The following MCU variants were observed in gnomAD, a reference collection of about 807,000 sequenced individuals.
MCU encodes the protein mitochondrial calcium uniporter.
Under a neutral mutation model 45.2 loss-of-function variants are expected in MCU, and 12 were observed. That is an observed-to-expected ratio of 0.27 (90% CI 0.17 to 0.43). The LOEUF (loss-of-function observed/expected upper bound fraction) is 0.43, where lower values mean the gene tolerates loss of function less well. MCU is among the 20% of genes least tolerant of loss of function. The probability of loss-of-function intolerance (pLI) is 1.00; values close to 1 mark genes in which losing one functional copy is unlikely to be tolerated. For synonymous variants in MCU, 160 were observed against 165.1 expected (o/e 0.97, Z 0.24); for missense variants, 324 against 436.7 (o/e 0.74, Z 2.30).
intron 3 of MCU, chr10:72,859,866 A>T (rs76786137): frequency 6.6e-6 from 1 of 152,202 alleles, no homozygotes. Context: ...AAATTTTTCA[A>T]ACCTGCAGAA....
chr10:72,711,569 GCA>G (rs1842894686), intron 1 of MCU, among the ~76,000 whole-genome samples: 1 of 150,172 alleles, frequency 6.7e-6, no homozygotes, highest in Admixed American at 6.6e-5. Context: ...AATTAGGCCA[GCA>G]CAGTGGCTCA....
intron 1 of MCU, among the ~76,000 whole-genome samples, chr10:72,771,717 A>T (rs1259156869): frequency 1.3e-5 from 2 of 152,164 alleles, no homozygotes; most frequent in Non-Finnish European, 1.5e-5. Flanking sequence ...GGTTTGTTAC[A>T]TAAGCATACG....
chr10:72,816,877 A>G (rs1000284375), intron 1 of MCU, among the ~76,000 whole-genome samples: 1 of 152,234 alleles, frequency 6.6e-6, no homozygotes, highest in Non-Finnish European at 1.5e-5. Flanking sequence ...AGGAATGGTA[A>G]CATACTGTCA....
intron 1 of MCU, among the ~76,000 whole-genome samples, chr10:72,772,839 C>T (rs1057017408): frequency 2.0e-5 from 3 of 152,192 alleles, no homozygotes; most frequent in Admixed American, 6.5e-5. Context: ...CAGTGACTGA[C>T]CCTAACAAGA....
chr10:72,811,211 T>G (rs886343023), intron 1 of MCU, among the ~76,000 whole-genome samples: 3 of 152,238 alleles, frequency 2.0e-5, no homozygotes, highest in African/African-American at 7.2e-5. Context: ...TGATAAGATT[T>G]AAGTCTAGAT....
chr10:72,838,200 C>T (rs1844984587), intron 2 of MCU, among the ~76,000 whole-genome samples: 1 of 152,124 alleles, frequency 6.6e-6, no homozygotes, highest in Non-Finnish European at 1.5e-5. Context: ...GACCTATCTT[C>T]ACTCTAGCTA....
At chr10:72,752,222 T>C (rs1843512137) in intron 1 of MCU, among the ~76,000 whole-genome samples, 2 of 151,860 alleles carry the variant, frequency 1.3e-5, no homozygotes, top group African/African-American at 4.8e-5. Flanking sequence ...TCAGAGAAGA[T>C]CAGTCTGCTG....
At chr10:72,717,498 A>G (rs1389368444) in intron 1 of MCU, among the ~76,000 whole-genome samples, 1 of 152,010 alleles carries the variant, frequency 6.6e-6, no homozygotes, top group Non-Finnish European at 1.5e-5. Flanking sequence ...ACCTCAGGTG[A>G]TCCACCCGCT....
chr10:72,783,640 G>A (rs1041846278), intron 1 of MCU, among the ~76,000 whole-genome samples: 3 of 152,186 alleles, frequency 2.0e-5, no homozygotes, highest in Non-Finnish European at 2.9e-5. Flanking sequence ...GATTTTGTTG[G>A]GGGGAGCTGT....
At chr10:72,746,868 A>G (rs1175982387) in intron 1 of MCU, among the ~76,000 whole-genome samples, 2 of 152,202 alleles carry the variant, frequency 1.3e-5, no homozygotes, top group Non-Finnish European at 2.9e-5. Context: ...TATGATCTCT[A>G]TCTAGAAGTT....
intron 2 of MCU, among the ~76,000 whole-genome samples, chr10:72,850,861 A>G (rs1845198293): frequency 6.6e-6 from 1 of 152,250 alleles, no homozygotes; most frequent in Non-Finnish European, 1.5e-5. Context: ...TAAAAAATTC[A>G]ACCAAACAGC....
At chr10:72,853,729 G>T (rs1465258516) in intron 2 of MCU, among the ~76,000 whole-genome samples, 1 of 152,156 alleles carries the variant, frequency 6.6e-6, no homozygotes, top group Non-Finnish European at 1.5e-5. Flanking sequence ...TGAAAAGCAG[G>T]CAGAGGGCTG....
intron 2 of MCU, among the ~76,000 whole-genome samples, chr10:72,850,521 A>G (rs1023896258): frequency 3.3e-5 from 5 of 152,192 alleles, no homozygotes; most frequent in South Asian, 2.1e-4. Context: ...ACTTCATACT[A>G]TATATTTTTA....
Position 72,871,482 on chromosome 10 carries a change from T to G in MCU, c.763T>G (p.Trp255Gly). The G allele has an allele frequency of 6.2e-7, 1 of 1,614,222 alleles. No individual in the cohort carries two copies. The highest frequency in any genetic ancestry group is 8.5e-7 in the Non-Finnish European group (1 of 1,180,032). ...GTTTGGCATTTTGGCCCGGCTTACCTGGTGGGAATATTCCTGGGACATCAT... is the reference window on the plus strand; with the variant it reads ...GTTTGGCATTTTGGCCCGGCTTACCGGGTGGGAATATTCCTGGGACATCAT... ...TQFGILARLTWWEYSWDIMEP... is the reference protein window; with the variant it reads ...TQFGILARLTGWEYSWDIMEP... The change falls in exon 6 of 8, where the codon TGG becomes GGG. Residue 255 changes from tryptophan to glycine, a missense_variant. Physicochemically the swap from Trp to Gly is radical, Grantham distance 184. Transcript: ENST00000373053.
At chr10:72,765,625 C>G (rs1042350086) in intron 1 of MCU, among the ~76,000 whole-genome samples, 1 of 151,666 alleles carries the variant, frequency 6.6e-6, no homozygotes, top group African/African-American at 2.4e-5. Context: ...AAGACTCCAT[C>G]TATACAAAAA....
chr10:72,736,810 A>G (rs938200151), intron 1 of MCU, among the ~76,000 whole-genome samples: 2 of 152,232 alleles, frequency 1.3e-5, no homozygotes, highest in Non-Finnish European at 2.9e-5. Flanking sequence ...TTTTTAGGCC[A>G]GGCATTTAGC....
intron 1 of MCU, among the ~76,000 whole-genome samples, chr10:72,721,591 G>A (rs995085129): frequency 2.0e-5 from 3 of 152,240 alleles, no homozygotes; most frequent in Non-Finnish European, 4.4e-5. Context: ...TCTATCATTA[G>A]AATGCTTTTC....
intron 1 of MCU, among the ~76,000 whole-genome samples, chr10:72,801,042 T>C (rs1004860517): frequency 6.6e-6 from 1 of 152,118 alleles, no homozygotes; most frequent in African/African-American, 2.4e-5. Context: ...TGAGCTATGA[T>C]TGATTGCACC....
At chr10:72,819,533 A>G (rs565528469) in intron 1 of MCU, among the ~76,000 whole-genome samples, 1 of 152,304 alleles carries the variant, frequency 6.6e-6, no homozygotes, top group South Asian at 2.1e-4. Flanking sequence ...AGGAGCTTAC[A>G]ATATTCTAAG....
Sources: gnomAD v4.1 joint callset for allele counts (sites outside exome capture counted in the v4.1 genomes callset) on GRCh38, gnomAD v4.1.1 for gene constraint, MANE v1.5 for transcripts, NCBI Gene and HGNC (gene_info 2026-07-23, HGNC 2026-07-21) for gene names.